KCNH7: variants seen among roughly 807,000 people sequenced by gnomAD.
The protein encoded by KCNH7 is potassium voltage-gated channel subfamily H member 7.
A neutral mutation model predicts 120.8 loss-of-function variants in KCNH7; 49 were observed. The observed-to-expected ratio is 0.41, with a 90% confidence interval of 0.32 to 0.51. The LOEUF is 0.51. Ranked by LOEUF, KCNH7 falls within the 20% of genes least tolerant of loss-of-function variation. The probability of loss-of-function intolerance (pLI) is 0.38; values close to 1 mark genes in which losing one functional copy is unlikely to be tolerated. For missense variants in KCNH7, 1,097 were observed against 1,446.6 expected (o/e 0.76, Z 3.92); for synonymous variants, 547 against 516.1 (o/e 1.06, Z -0.81).
chr2:162,788,321 T>G (rs552826348), intron 2 of KCNH7, among the ~76,000 whole-genome samples: 1 of 152,160 alleles, frequency 6.6e-6, no homozygotes, highest in African/African-American at 2.4e-5. Flanking sequence ...GTAATCATTT[T>G]GAAGAAGTTC....
At chr2:162,376,530 A>G (rs1686194850) in intron 14 of KCNH7, among the ~76,000 whole-genome samples, 1 of 151,816 alleles carries the variant, frequency 6.6e-6, no homozygotes, top group Non-Finnish European at 1.5e-5. Flanking sequence ...ACTCCCAGCT[A>G]ATTTTTGTAT....
intron 9 of KCNH7, among the ~76,000 whole-genome samples, chr2:162,417,822 A>G (rs902016063): frequency 2.6e-5 from 4 of 152,170 alleles, no homozygotes; most frequent in Non-Finnish European, 5.9e-5. Flanking sequence ...TTGTGACCTG[A>G]AAACATTAGA....
intron 2 of KCNH7, among the ~76,000 whole-genome samples, chr2:162,723,832 A>C (rs2105378271): frequency 6.6e-6 from 1 of 152,336 alleles, no homozygotes; most frequent in East Asian, 1.9e-4. Context: ...AAAGCACATT[A>C]ATACCTTACT....
At chr2:162,467,156 T>C (rs560273376) in intron 6 of KCNH7, among the ~76,000 whole-genome samples, 7 of 152,332 alleles carry the variant, frequency 4.6e-5, no homozygotes, top group Non-Finnish European at 1.0e-4. Flanking sequence ...GTGAATTGCC[T>C]GTCTTTAGGA....
chr2:162,500,393 T>G (rs1419625279), intron 6 of KCNH7, among the ~76,000 whole-genome samples: 1 of 113,836 alleles, frequency 8.8e-6, no homozygotes, highest in Admixed American at 8.9e-5. Context: ...ATAATACATG[T>G]CAATACATGC....
chr2:162,680,324 A>G (rs1685669528), intron 2 of KCNH7, among the ~76,000 whole-genome samples: 1 of 151,762 alleles, frequency 6.6e-6, no homozygotes. Context: ...GTCACATGAA[A>G]AAGCAGAAAG....
At chr2:162,682,973 G>C (rs557947265) in intron 2 of KCNH7, among the ~76,000 whole-genome samples, 1 of 151,790 alleles carries the variant, frequency 6.6e-6, no homozygotes, top group African/African-American at 2.4e-5. Flanking sequence ...CTTAATATAG[G>C]ATAGTCTAAT....
In KCNH7 at chr2:162,563,572, C is replaced by G. The variant is rs539607435; in HGVS notation, c.308-26492G>C. On this transcript the variant is annotated intron_variant, in intron 2 of 15. Coordinates refer to ENST00000332142, the MANE Select transcript of KCNH7 (RefSeq NM_033272.4). ...GAATGCCTTTGCAAATATTCAATTT[C>G]TTGTGTTGTGACCTTGAATTGACAA... Among the ~76,000 whole-genome samples, 7 of 152,258 alleles carry G rather than the reference C, an allele frequency of 4.6e-5. No homozygotes were observed. In the South Asian group the frequency reaches 1.2e-3, roughly 27 times the overall value.
At chr2:162,677,061 G>A (rs1470641676) in intron 2 of KCNH7, among the ~76,000 whole-genome samples, 1 of 151,256 alleles carries the variant, frequency 6.6e-6, no homozygotes, top group Non-Finnish European at 1.5e-5. Context: ...ATTGTTTTAA[G>A]CAATTTAATT....
chr2:162,411,384 A>G (rs966701550), intron 9 of KCNH7, among the ~76,000 whole-genome samples: 8 of 152,154 alleles, frequency 5.3e-5, no homozygotes, highest in Non-Finnish European at 1.2e-4. Flanking sequence ...ACATGTTCTC[A>G]CTTATAAGTG....
intron 2 of KCNH7, among the ~76,000 whole-genome samples, chr2:162,637,134 C>T (rs548452251): frequency 3.7e-4 from 57 of 152,236 alleles, no homozygotes; most frequent in Admixed American, 2.4e-3. Context: ...TTTTTCTCAT[C>T]TCTGAAAGTT....
rs992323895 is a variant in KCNH7 at position 162,530,265 on chromosome 2, A to C, written c.463+6660T>G. ...TATTTCCCTCCTTTTCTTTTACTTA[A>C]TCTTTGTAATTTAATACCTCCCTTT... On this transcript the variant is annotated intron_variant, in intron 3 of 15. Coordinates refer to ENST00000332142, the MANE Select transcript of KCNH7 (RefSeq NM_033272.4). Among the ~76,000 whole-genome samples the C allele has an allele frequency of 2.6e-5, 4 of 151,888 alleles. No homozygotes were observed. In the South Asian group the frequency reaches 8.3e-4, roughly 31 times the overall value.
At chr2:162,506,158 G>A (rs900558589) in intron 5 of KCNH7, among the ~76,000 whole-genome samples, 39 of 151,736 alleles carry the variant, frequency 2.6e-4, no homozygotes, top group African/African-American at 9.2e-4. Context: ...AAAATGTCAC[G>A]AGCTCTCCAG....
At chr2:162,459,323 C>T (rs1689074374) in intron 6 of KCNH7, among the ~76,000 whole-genome samples, 1 of 151,946 alleles carries the variant, frequency 6.6e-6, no homozygotes, top group African/African-American at 2.4e-5. Flanking sequence ...AGAGCCTATG[C>T]AAATAAAAGT....
rs536739677 is a variant in KCNH7 at position 162,382,920 on chromosome 2, C to T, written c.2962+1768G>A. On this transcript the variant is annotated intron_variant, in intron 13 of 15. Coordinates refer to ENST00000332142, the MANE Select transcript of KCNH7 (RefSeq NM_033272.4). ...CAATTGACATGCATATTTAGCTGTA[C>T]ATTTTCAAGATAATTATTATTTGAA... Among the ~76,000 whole-genome samples the T allele has an allele frequency of 6.6e-5, 10 of 152,006 alleles. No individual in the cohort carries two copies. The South Asian group carries it at 1.0e-3, about 16-fold the overall frequency.
intron 2 of KCNH7, among the ~76,000 whole-genome samples, chr2:162,820,196 C>G (rs967310664): frequency 1.1e-5 from 1 of 92,384 alleles, no homozygotes; most frequent in Admixed American, 1.2e-4. Context: ...CCCAGCACCA[C>G]GCCCGGCTAA....
At chr2:162,819,162 T>C (rs959417412) in intron 2 of KCNH7, among the ~76,000 whole-genome samples, 1 of 152,076 alleles carries the variant, frequency 6.6e-6, no homozygotes, top group Non-Finnish European at 1.5e-5. Flanking sequence ...AAACAAATGA[T>C]CTAAAGGACA....
intron 5 of KCNH7, among the ~76,000 whole-genome samples, chr2:162,510,843 C>G (rs762183626): frequency 2.0e-5 from 3 of 151,612 alleles, no homozygotes; most frequent in African/African-American, 4.8e-5. Context: ...GACACTTAAA[C>G]ATTGTTAATA....
chr2:162,685,591 G>A (rs374996764), intron 2 of KCNH7, among the ~76,000 whole-genome samples: 17 of 152,118 alleles, frequency 1.1e-4, no homozygotes, highest in African/African-American at 3.6e-4. Flanking sequence ...TATACCTGAG[G>A]TGGTGCTGGG....
Sources: allele counts gnomAD v4.1 joint callset (sites outside exome capture counted in the v4.1 genomes callset), GRCh38; gene constraint gnomAD v4.1.1; transcripts MANE v1.5; gene names NCBI Gene and HGNC (gene_info 2026-07-23, HGNC 2026-07-21).